Variants in MYCBPAP observed in about 807,000 individuals in gnomAD.
MYCBPAP encodes the protein MYCBP associated protein.
In MYCBPAP, 60 loss-of-function variants were observed where a neutral mutation model predicts 106.1. That is an observed-to-expected ratio of 0.57 (90% confidence interval 0.46 to 0.70). MYCBPAP has a LOEUF of 0.70. Among genes scored for constraint, MYCBPAP ranks in the 30% least tolerant of loss-of-function variants. The pLI is 0.00. For synonymous variants in MYCBPAP, 407 were observed against 440.6 expected (o/e 0.92, Z 0.95); for missense variants, 1,064 against 1,169.3 (o/e 0.91, Z 1.31).
chr17:50,525,980 G>A lies in MYCBPAP; in HGVS notation c.1882G>A (p.Glu628Lys), dbSNP rs144690744. ...KAEEARPGDKEHVSPIATEKA... is the reference protein window; with the variant it reads ...KAEEARPGDKKHVSPIATEKA... ...TGAGGAGGCCAGGCCAGGGGACAAG[G>A]AGCACGTCAGCCCCATAGCCACAGA... is the stretch of plus-strand genomic sequence containing the variant. The change falls in exon 14 of 19, where the codon GAG (glutamate) becomes AAG (lysine). Residue 628 changes from glutamate (E) to lysine (K), a missense_variant. By Grantham distance (56) the Glu-to-Lys change is moderately conservative. Transcript: ENST00000323776. The A allele has an allele frequency of 7.3e-5, 118 of 1,613,830 alleles. No homozygotes were observed. The African/African-American group carries it at 1.5e-3, about 21-fold the overall frequency.
At chr17:50,509,535 TCTGTGTG>T (rs1555617804) in intron 1 of MYCBPAP, 2 of 140,850 alleles carry the variant, frequency 1.4e-5, no homozygotes, top group Non-Finnish European at 2.7e-5. Flanking sequence ...GCTTTTTTTT[TCTGTGTG>T]TGTGTGTGTG....
At chr17:50,523,493 C>A in intron 11 of MYCBPAP, 104 bp from the exon 12 acceptor site, 1 of 1,247,906 alleles carries the variant, frequency 8.0e-7, no homozygotes. Context: ...GATGGTTGGC[C>A]AGCCACCTGG....
At chr17:50,528,350 A>G in intron 16 of MYCBPAP, 80 bp downstream of exon 16, 11 of 1,207,922 alleles carry the variant, frequency 9.1e-6, no homozygotes, top group Non-Finnish European at 1.3e-5. Flanking sequence ...TGCCTGGGCC[A>G]GTCATACTCC....
intron 5 of MYCBPAP, 112 bp downstream of exon 5, chr17:50,518,836 A>G (rs1387992308): frequency 1.4e-6 from 2 of 1,477,452 alleles, no homozygotes; most frequent in South Asian, 1.2e-5. Context: ...TTGTGCTTTC[A>G]CTCCCAAGAG....
chr17:50,518,523 C>G lies in MYCBPAP; in HGVS notation c.469-18C>G, dbSNP rs753985982. 1.9e-6 allele frequency: 3 copies of G among 1,548,194 alleles called. No homozygotes were observed. Among genetic ancestry groups the G allele is most frequent in the South Asian group, 1.3e-5 (1 of 78,722 alleles). On this transcript the variant is annotated intron_variant, in intron 4 of 18. Transcript: ENST00000323776. ...AGCCTTCTTACTGCCCTCCACATAC[C>G]TATGTTGTACTTTTCAGCTGGCTGA...
chr17:50,522,025 C>T lies in MYCBPAP; in HGVS notation c.1201C>T (p.Leu401=), dbSNP rs1351087076. ...CTCCATGCCTATTCTCGGCCCTTCT[C>T]TGCTGTTCTGTGGGAAGCCAGCTTG... is the stretch of plus-strand genomic sequence containing the variant. ...DVSMPILGPS[L]LFCGKPACWI... is the part of the protein sequence containing the mutation. Residue 401 remains leucine, a synonymous_variant, in exon 10 of 19, where the codon CTG becomes TTG. Coordinates refer to ENST00000323776, the MANE Select transcript of MYCBPAP (RefSeq NM_032133.6). 3 of 1,614,108 alleles carry T rather than the reference C, an allele frequency of 1.9e-6. No homozygotes were observed. The highest frequency in any genetic ancestry group is 2.5e-6 in the Non-Finnish European group (3 of 1,179,964).
rs747313513 is a variant in MYCBPAP at position 50,531,463 on chromosome 17, TAATA to T, written c.*43_*46del. The T allele has an allele frequency of 3.7e-5, 55 of 1,498,318 alleles. No homozygotes were observed. Among genetic ancestry groups the T allele is most frequent in the Admixed American group, 8.0e-5 (4 of 50,264 alleles). The allele number at this position is 1,498,318 out of a possible 1,614,324, so 92.8% of individuals were successfully genotyped here. A position where few individuals can be genotyped will look rare whatever the true frequency, so the allele number is the denominator to read the frequency against. Reference sequence around the variant, plus strand: ...CCAAGCAACCTTCTGGAAAACGGGTTAATAAATAAATCAATAAAGAACCTTCAAG... The same window carrying T: ...CCAAGCAACCTTCTGGAAAACGGGTTAATAAATCAATAAAGAACCTTCAAG... On this transcript the variant is annotated 3_prime_UTR_variant, in exon 19 of 19. Coordinates refer to ENST00000323776, the MANE Select transcript of MYCBPAP (RefSeq NM_032133.6).
intron 1 of MYCBPAP, among the ~76,000 whole-genome samples, chr17:50,516,299 A>G (rs890965968): frequency 1.3e-5 from 2 of 152,092 alleles, no homozygotes; most frequent in Non-Finnish European, 2.9e-5. Context: ...CTGAAACGAA[A>G]CATCTTCTGA....
In MYCBPAP at chr17:50,517,594, G is replaced by C. The variant is rs774719791; in HGVS notation, c.365-1G>C. 19 of 1,614,100 alleles carry C rather than the reference G, an allele frequency of 1.2e-5. No individual in the cohort carries two copies. The highest frequency in any genetic ancestry group is 1.6e-5 in the Non-Finnish European group (19 of 1,180,002). ...TCCCCTTTCTTCTTTTATCCTCCCA[G>C]GTCCCGGTGACAGCTTCGATGGCAG... On this transcript the variant is annotated splice_acceptor_variant, in intron 3 of 18. Transcript: ENST00000323776. LOFTEE classifies it high-confidence loss of function.
chr17:50,527,498 T>G, intron 15 of MYCBPAP, 90 bp downstream of exon 15: 1 of 1,536,350 alleles, frequency 6.5e-7, no homozygotes, highest in Non-Finnish European at 8.8e-7. Context: ...ACTCCAGGGG[T>G]CTGAGCTTCC....
intron 15 of MYCBPAP, 145 bp downstream of exon 15, chr17:50,527,553 T>A (rs1323988349): frequency 2.8e-6 from 3 of 1,068,904 alleles, no homozygotes; most frequent in Non-Finnish European, 4.0e-6. Flanking sequence ...TTCCACGTTC[T>A]GGAACCCTGC....
chr17:50,510,302 G>C (rs895003308), intron 1 of MYCBPAP: 7 of 151,682 alleles, frequency 4.6e-5, no homozygotes, highest in African/African-American at 1.7e-4. Flanking sequence ...GTGGCAGGAG[G>C]ATTGTTCCAG....
rs775873198 is a variant in MYCBPAP at position 50,531,442 on chromosome 17, G to A, written c.*14G>A. 1 of 1,581,160 alleles carries A rather than the reference G, an allele frequency of 6.3e-7. No homozygotes were observed. Among genetic ancestry groups the A allele is most frequent in the South Asian group, 1.2e-5 (1 of 86,612 alleles). Reference sequence around the variant, plus strand: ...CTCTGCAGGTGACTCTCGGGCCCAAGCAACCTTCTGGAAAACGGGTTAATA... The same window carrying A: ...CTCTGCAGGTGACTCTCGGGCCCAAACAACCTTCTGGAAAACGGGTTAATA... On this transcript the variant is annotated 3_prime_UTR_variant, in exon 19 of 19. Transcript: ENST00000323776.
intron 12 of MYCBPAP, 22 bp from the exon 13 acceptor site, chr17:50,524,855 T>A (rs542003382): frequency 6.2e-7 from 1 of 1,609,530 alleles, no homozygotes; most frequent in East Asian, 2.2e-5. Flanking sequence ...GCTGCCATCC[T>A]CTGCCACCTT....
At chr17:50,522,180 G>A in intron 10 of MYCBPAP, 99 bp downstream of exon 10, 1 of 951,798 alleles carries the variant, frequency 1.1e-6, no homozygotes, top group South Asian at 1.4e-5. Flanking sequence ...TCTCCTGTTT[G>A]GGTTTTTATC....
Position 50,508,485 on chromosome 17 carries a change from G to A in MYCBPAP, c.-190G>A. ...GCTCTTGAAGCCGCCGGCGGCGGGC[G>A]CGTGCGCGGCCCGATGAAGAAGGAG... On this transcript the variant is annotated 5_prime_UTR_variant, in exon 1 of 19. Transcript: ENST00000323776. 6.8e-7 allele frequency: 1 copy of A among 1,462,390 alleles called. No individual in the cohort carries two copies. The highest frequency in any genetic ancestry group is 1.3e-5 in the South Asian group (1 of 78,074). The allele number at this position is 1,462,390 out of a possible 1,614,324, so 90.6% of individuals were successfully genotyped here. A position where few individuals can be genotyped will look rare whatever the true frequency, so the allele number is the denominator to read the frequency against.
intron 1 of MYCBPAP, chr17:50,509,496 C>A: frequency 5.3e-6 from 1 of 190,074 alleles, no homozygotes; most frequent in Admixed American, 5.5e-5. Flanking sequence ...TGGCTGTTTC[C>A]ATTTATTTAT....
intron 1 of MYCBPAP, among the ~76,000 whole-genome samples, chr17:50,515,232 A>C (rs2034005517): frequency 2.1e-5 from 3 of 144,584 alleles, no homozygotes; most frequent in Non-Finnish European, 3.0e-5. Flanking sequence ...ACGCCCGCCG[A>C]CTCAGGGCTG....
rs143893834 is a variant in MYCBPAP at position 50,526,216 on chromosome 17, G to A, written c.2118G>A (p.Pro706=). The A allele has an allele frequency of 3.5e-4, 567 of 1,612,894 alleles. 3 individuals carry two copies. The African/African-American group carries it at 6.4e-3, about 18-fold the overall frequency. Residue 706 remains proline (P), a synonymous_variant, in exon 14 of 19, where the codon CCG becomes CCA. Transcript: ENST00000323776. ...ACAGCACCAAGAGCCCCTGGGAGCCGGATGGCCTTCCCCTGCTGGAGTGGA... is the reference window on the plus strand; with the variant it reads ...ACAGCACCAAGAGCCCCTGGGAGCCAGATGGCCTTCCCCTGCTGGAGTGGA... ...DVDSTKSPWE[P]DGLPLLEWNL... is the part of the protein sequence containing the mutation.
Sources: allele counts gnomAD v4.1 joint callset (sites outside exome capture counted in the v4.1 genomes callset), GRCh38; gene constraint gnomAD v4.1.1; transcripts MANE v1.5; gene names NCBI Gene and HGNC (gene_info 2026-07-23, HGNC 2026-07-21).